Variants in FAM107B observed in about 807,000 individuals in gnomAD.
FAM107B encodes family with sequence similarity 107 member B.
Under a neutral mutation model 31.5 loss-of-function variants are expected in FAM107B, and 21 were observed. The observed-to-expected ratio is 0.67, with a 90% CI of 0.47 to 0.96. The LOEUF is 0.96. Among genes scored for constraint, FAM107B ranks in the 40% least tolerant of loss-of-function variants. The probability of loss-of-function intolerance (pLI) is 0.00; values close to 1 mark genes in which losing one functional copy is unlikely to be tolerated. For missense variants in FAM107B, 452 were observed against 377.1 expected (o/e 1.20, Z -1.64); for synonymous variants, 157 against 141.5 (o/e 1.11, Z -0.78).
intron 3 of FAM107B, among the ~76,000 whole-genome samples, chr10:14,527,323 C>T (rs1846381080): frequency 6.6e-6 from 1 of 152,142 alleles, no homozygotes; most frequent in African/African-American, 2.4e-5. Context: ...AGCTGGGTTC[C>T]AAAGACAGTA....
At chr10:14,764,953 T>C (rs532168143) in intron 1 of FAM107B, among the ~76,000 whole-genome samples, 2 of 152,352 alleles carry the variant, frequency 1.3e-5, no homozygotes, top group African/African-American at 4.8e-5. Flanking sequence ...TCTAGGCCAC[T>C]GCCGATGAAG....
rs77406860 is a variant in FAM107B, at chr10:14,740,206, G to A, written c.411+34047C>T. ...TTCGCCAAAACTTGGAACCAACCAA[G>A]ATGTCCTTCAATAGGTGAATGAATA... On this transcript the variant is annotated intron_variant, in intron 1 of 4. Transcript: ENST00000181796. Among the ~76,000 whole-genome samples the A allele has an allele frequency of 8.5e-3, 1,290 of 152,280 alleles. 77 individuals are homozygous for A. The East Asian group carries it at 0.16, about 19-fold the overall frequency.
chr10:14,582,370 C>CT (rs1200225339), intron 2 of FAM107B, among the ~76,000 whole-genome samples: 85 of 90,446 alleles, frequency 9.4e-4, no homozygotes, highest in African/African-American at 3.1e-3. Context: ...TTTGTTTTTT[C>CT]TTTTCTTTTT....
intron 2 of FAM107B, among the ~76,000 whole-genome samples, chr10:14,539,496 A>T (rs1237722090): frequency 2.0e-5 from 3 of 152,230 alleles, no homozygotes; most frequent in Non-Finnish European, 4.4e-5. Context: ...GTTAAAAAAA[A>T]ACAAAGCAGT....
intron 2 of FAM107B, among the ~76,000 whole-genome samples, chr10:14,604,749 CCCTCTA>C (rs1160324715): frequency 7.0e-6 from 1 of 143,796 alleles, no homozygotes; most frequent in Admixed American, 6.9e-5. Context: ...CTCGCTCTCT[CCCTCTA>C]CCTCTCTGTC....
At position 14,607,729 on chromosome 10, in the gene FAM107B, T is replaced by A. The variant is rs760683787; in HGVS notation, c.469+59905A>T. Among the ~76,000 whole-genome samples the A allele has an allele frequency of 2.0e-4, 30 of 152,334 alleles. No individual in the cohort carries two copies. In the Middle Eastern group the frequency reaches 0.01, roughly 52 times the overall value. On this transcript the variant is annotated intron_variant, in intron 2 of 4. Transcript: ENST00000181796. The stretch of plus-strand genomic sequence containing the variant: ...ATTTTGTTCTGGGGCTGACACAGTT[T>A]ATCAGGTGGCTTAGAGGGTCTTTAC...
chr10:14,547,316 T>A (rs1373588801), intron 2 of FAM107B, among the ~76,000 whole-genome samples: 5 of 152,180 alleles, frequency 3.3e-5, no homozygotes, highest in South Asian at 2.1e-4. Context: ...AAATCCTGAC[T>A]TCACTTCTCT....
At chr10:14,532,023 G>A (rs1847079199) in intron 2 of FAM107B, among the ~76,000 whole-genome samples, 1 of 152,156 alleles carries the variant, frequency 6.6e-6, no homozygotes, top group South Asian at 2.1e-4. Context: ...TTCACTTGTT[G>A]GTCAATAGGC....
At chr10:14,673,215 T>G (rs919754741) in intron 1 of FAM107B, among the ~76,000 whole-genome samples, 1 of 152,224 alleles carries the variant, frequency 6.6e-6, no homozygotes, top group Admixed American at 6.5e-5. Context: ...TGCAGTGCTA[T>G]AGAACACTAG....
intron 2 of FAM107B, among the ~76,000 whole-genome samples, chr10:14,577,559 T>TATAC (rs1296886934): frequency 6.6e-6 from 1 of 152,238 alleles, no homozygotes; most frequent in Admixed American, 6.5e-5. Flanking sequence ...TTTCCGAAGG[T>TATAC]ATACAGATCA....
At chr10:14,768,623 T>C (rs951835313) in intron 1 of FAM107B, among the ~76,000 whole-genome samples, 11 of 152,228 alleles carry the variant, frequency 7.2e-5, no homozygotes, top group Non-Finnish European at 8.8e-5. Flanking sequence ...AATGTGAATA[T>C]GCCTAATGAC....
chr10:14,550,088 T>C (rs1230971683), intron 2 of FAM107B, among the ~76,000 whole-genome samples: 2 of 152,186 alleles, frequency 1.3e-5, no homozygotes, highest in African/African-American at 4.8e-5. Context: ...CTTCGAGAAA[T>C]ACCACTTCAT....
In FAM107B at chr10:14,521,882, T is replaced by C. The variant is rs764676351; in HGVS notation, c.791A>G (p.Gln264Arg). The C allele has an allele frequency of 6.2e-7, 1 of 1,613,946 alleles. No individual in the cohort carries two copies. Among genetic ancestry groups the C allele is most frequent in the Non-Finnish European group, 8.5e-7 (1 of 1,179,954 alleles). ...DLEIELLKRQQKLEQLELEKQ... is the reference protein window; with the variant it reads ...DLEIELLKRQRKLEQLELEKQ... The stretch of plus-strand genomic sequence containing the variant: ...AATCCCCCTTACCTGCTCCAACTTC[T>C]GCTGCCGTTTTAATAGCTCTATTTC... Residue 264 changes from glutamine (Q) to arginine (R), a missense_variant, in exon 4 of 5, where the codon CAG becomes CGG. Transcript: ENST00000181796.
intron 2 of FAM107B, among the ~76,000 whole-genome samples, chr10:14,619,481 T>C (rs898149025): frequency 6.6e-6 from 1 of 152,232 alleles, no homozygotes; most frequent in Non-Finnish European, 1.5e-5. Context: ...TATATCTTCC[T>C]TAGCGAAGCT....
intron 2 of FAM107B, among the ~76,000 whole-genome samples, chr10:14,601,028 A>T (rs1358425031): frequency 6.6e-6 from 1 of 152,038 alleles, no homozygotes; most frequent in Non-Finnish European, 1.5e-5. Flanking sequence ...CAGCCTCCCA[A>T]AGCACTGGGA....
intron 2 of FAM107B, 121 bp from the exon 3 acceptor site, chr10:14,530,636 T>A: frequency 6.9e-6 from 6 of 868,572 alleles, no homozygotes; most frequent in Middle Eastern, 2.3e-4. Flanking sequence ...GAGTCCACTC[T>A]GGGGCATCGC....
chr10:14,632,052 C>T (rs1853368869), intron 2 of FAM107B, among the ~76,000 whole-genome samples: 2 of 152,090 alleles, frequency 1.3e-5, no homozygotes, highest in South Asian at 4.1e-4. Context: ...AATCCCAGCA[C>T]TTTGGGAGGC....
intron 2 of FAM107B, among the ~76,000 whole-genome samples, chr10:14,531,287 T>C (rs1846962728): frequency 6.8e-6 from 1 of 146,762 alleles, no homozygotes; most frequent in Non-Finnish European, 1.5e-5. Context: ...TGGGAGGCTG[T>C]TGTGGGAGGA....
At chr10:14,710,921 T>G (rs7072374) in intron 1 of FAM107B, among the ~76,000 whole-genome samples, 41,853 of 120,722 alleles carry the variant, frequency 0.35, 5,904 homozygotes, top group African/African-American at 0.45. Flanking sequence ...AAAGAAATAA[T>G]TTTTTTTTTG....
Sources: gnomAD v4.1 joint callset for allele counts (sites outside exome capture counted in the v4.1 genomes callset) on GRCh38, gnomAD v4.1.1 for gene constraint, MANE v1.5 for transcripts, NCBI Gene and HGNC (gene_info 2026-07-23, HGNC 2026-07-21) for gene names.